CNTN3: variants seen among roughly 807,000 people sequenced by gnomAD.
CNTN3 encodes contactin 3.
A neutral mutation model predicts 119.1 loss-of-function variants in CNTN3; 60 were observed. The ratio of observed to expected loss-of-function variants is 0.50; its 90% CI spans 0.41 to 0.62. The LOEUF is 0.62. Ranked by LOEUF, CNTN3 falls within the 20% of genes least tolerant of loss-of-function variation. CNTN3 has a pLI of 0.00. For synonymous variants in CNTN3, 450 were observed against 438.7 expected (o/e 1.03, Z -0.32); for missense variants, 1,101 against 1,242.4 (o/e 0.89, Z 1.71).
chr3:74,467,945 C>T lies in CNTN3; in HGVS notation c.358+18511G>A, dbSNP rs1023079785. Among the ~76,000 whole-genome samples, 4 of 152,168 alleles carry T rather than the reference C, an allele frequency of 2.6e-5. No individual in the cohort carries two copies. The South Asian group carries it at 6.2e-4, about 24-fold the overall frequency. On this transcript the variant is annotated intron_variant, in intron 4 of 22. Coordinates refer to ENST00000263665, the MANE Select transcript of CNTN3 (RefSeq NM_020872.3). ...TTCAAGAAAATAAAACTGATCTATG[C>T]CAAGAAGCATTCAATCTACTTCTAT... is the stretch of plus-strand genomic sequence containing the variant.
At chr3:74,309,979 T>C (rs1432777042) in intron 13 of CNTN3, among the ~76,000 whole-genome samples, 1 of 152,236 alleles carries the variant, frequency 6.6e-6, no homozygotes, top group Admixed American at 6.5e-5. Flanking sequence ...GATAAATTGC[T>C]ATAGATACAT....
chr3:74,583,563 G>C (rs1371826879), intron 1 of CNTN3, among the ~76,000 whole-genome samples: 1 of 152,100 alleles, frequency 6.6e-6, no homozygotes, highest in East Asian at 1.9e-4. Context: ...AGGACGTGGG[G>C]AACTGGGGAG....
intron 3 of CNTN3, among the ~76,000 whole-genome samples, chr3:74,488,428 A>T (rs1175552139): frequency 6.6e-6 from 1 of 152,106 alleles, no homozygotes; most frequent in Non-Finnish European, 1.5e-5. Flanking sequence ...CTTCAACTTT[A>T]AGGTATTTTA....
At chr3:74,549,662 G>T (rs1703961984) in intron 1 of CNTN3, among the ~76,000 whole-genome samples, 1 of 152,008 alleles carries the variant, frequency 6.6e-6, no homozygotes, top group Non-Finnish European at 1.5e-5. Flanking sequence ...GGCCTCTTCT[G>T]AATACTCTAA....
intron 13 of CNTN3, among the ~76,000 whole-genome samples, chr3:74,323,929 T>C (rs904991931): frequency 2.0e-5 from 3 of 152,156 alleles, no homozygotes; most frequent in African/African-American, 7.2e-5. Flanking sequence ...TCTGTTAAGA[T>C]ATTTAAAATT....
At chr3:74,432,138 G>A (rs1701793833) in intron 4 of CNTN3, among the ~76,000 whole-genome samples, 1 of 152,118 alleles carries the variant, frequency 6.6e-6, no homozygotes, top group Non-Finnish European at 1.5e-5. Flanking sequence ...TAAATGACAA[G>A]ATTGCCTTTG....
Position 74,371,223 on chromosome 3 carries a change from G to T in CNTN3, c.631C>A (p.Pro211Thr). 2 of 1,613,204 alleles carry T rather than the reference G, an allele frequency of 1.2e-6. No homozygotes were observed. The highest frequency in any genetic ancestry group is 1.7e-6 in the Non-Finnish European group (2 of 1,179,464). Residue 211 changes from proline (P) to threonine (T), a missense_variant, in exon 6 of 23, where the codon CCA (proline) becomes ACA (threonine). By Grantham distance (38) the Pro-to-Thr change is conservative. Coordinates refer to ENST00000263665, the MANE Select transcript of CNTN3 (RefSeq NM_020872.3). ...MVTNARVLGS[P>T]TPLVLRSDGV... ...TCAGAACGTAGCACCAAAGGAGTTG[G>T]AGAGCCCAGCACTCGGGCATTTGTC... is the stretch of plus-strand genomic sequence containing the variant.
At chr3:74,323,209 C>T (rs679379) in intron 13 of CNTN3, among the ~76,000 whole-genome samples, 47,165 of 151,998 alleles carry the variant, frequency 0.31, 8,174 homozygotes, top group East Asian at 0.72. Flanking sequence ...GTATGGGATG[C>T]TGATAGTTGA....
chr3:74,604,438 T>C (rs1704960839), intron 1 of CNTN3, among the ~76,000 whole-genome samples: 1 of 152,126 alleles, frequency 6.6e-6, no homozygotes, highest in Non-Finnish European at 1.5e-5. Flanking sequence ...ATTCAGAATG[T>C]ATAAGGAACT....
intron 1 of CNTN3, among the ~76,000 whole-genome samples, chr3:74,581,839 G>C (rs558638647): frequency 6.6e-6 from 1 of 152,142 alleles, no homozygotes; most frequent in South Asian, 2.1e-4. Flanking sequence ...AAGACACCAA[G>C]GCAGTGCACG....
chr3:74,545,664 A>C (rs2107152893), intron 1 of CNTN3, among the ~76,000 whole-genome samples: 1 of 152,354 alleles, frequency 6.6e-6, no homozygotes, highest in Admixed American at 6.5e-5. Flanking sequence ...CTGATACAGG[A>C]TAATCTTTAA....
chr3:74,471,831 C>G (rs76795728), intron 4 of CNTN3, among the ~76,000 whole-genome samples: 1 of 152,098 alleles, frequency 6.6e-6, no homozygotes, highest in East Asian at 1.9e-4. Flanking sequence ...GTTATCTGTC[C>G]CAGTTTGTAT....
chr3:74,468,331 A>T (rs1368511020), intron 4 of CNTN3, among the ~76,000 whole-genome samples: 1 of 152,248 alleles, frequency 6.6e-6, no homozygotes, highest in Non-Finnish European at 1.5e-5. Context: ...AGAAAAGGGA[A>T]GGGAGCTAGC....
intron 20 of CNTN3, among the ~76,000 whole-genome samples, chr3:74,277,098 C>A (rs1201482833): frequency 1.3e-5 from 2 of 152,040 alleles, no homozygotes; most frequent in African/African-American, 4.8e-5. Context: ...ATTAGATACC[C>A]TGAACAGACC....
At chr3:74,344,452 G>C (rs1703634566) in intron 11 of CNTN3, among the ~76,000 whole-genome samples, 2 of 109,610 alleles carry the variant, frequency 1.8e-5, no homozygotes, top group African/African-American at 3.8e-5. Flanking sequence ...TTGAGACGGA[G>C]TCTCACTCTG....
chr3:74,376,632 C>G (rs756910017), intron 5 of CNTN3, among the ~76,000 whole-genome samples: 4 of 151,932 alleles, frequency 2.6e-5, no homozygotes, highest in Non-Finnish European at 5.9e-5. Context: ...GTAATAATAA[C>G]AGAAATAAAG....
intron 1 of CNTN3, among the ~76,000 whole-genome samples, chr3:74,532,227 G>GA (rs1269719911): frequency 1.3e-5 from 2 of 151,842 alleles, no homozygotes; most frequent in African/African-American, 4.8e-5. Context: ...CAATAAGTGA[G>GA]AATGAGAGAG....
chr3:74,444,403 C>A (rs531339659), intron 4 of CNTN3, among the ~76,000 whole-genome samples: 3 of 151,938 alleles, frequency 2.0e-5, no homozygotes, highest in African/African-American at 7.2e-5. Flanking sequence ...GTCTTCAGCA[C>A]CTCTCACACA....
intron 13 of CNTN3, among the ~76,000 whole-genome samples, chr3:74,325,457 T>A (rs1485520281): frequency 6.6e-6 from 1 of 152,062 alleles, no homozygotes; most frequent in South Asian, 2.1e-4. Flanking sequence ...ATCTGAGAAA[T>A]GAGAGGTTGG....
Sources: allele counts gnomAD v4.1 joint callset (sites outside exome capture counted in the v4.1 genomes callset), GRCh38; gene constraint gnomAD v4.1.1; transcripts MANE v1.5; gene names NCBI Gene and HGNC (gene_info 2026-07-23, HGNC 2026-07-21).